TGM5: variants seen among roughly 807,000 people sequenced by gnomAD.
TGM5 encodes the protein transglutaminase 5.
Under a neutral mutation model 77.2 loss-of-function variants are expected in TGM5, and 69 were observed. The observed-to-expected ratio is 0.89, with a 90% confidence interval of 0.74 to 1.09. TGM5 has a LOEUF of 1.09. TGM5 is among the 50% of genes least tolerant of loss of function. The probability of loss-of-function intolerance (pLI) is 0.00; values close to 1 mark genes in which losing one functional copy is unlikely to be tolerated. For missense variants in TGM5, 842 were observed against 896.5 expected (o/e 0.94, Z 0.78); for synonymous variants, 346 against 351.8 (o/e 0.98, Z 0.18).
Position 43,260,399 on chromosome 15 carries a change from C to G in TGM5, c.190+1G>C, listed in dbSNP as rs774820119. On this transcript the variant is annotated splice_donor_variant, in intron 2 of 12. Coordinates refer to ENST00000220420, the MANE Select transcript of TGM5 (RefSeq NM_201631.4). LOFTEE classifies it high-confidence loss of function. ...CCCTGTGAGCCAGCTGGGGTTCTTACCAGTTTCAACCACGAAGATGATGTT... is the reference window on the plus strand; with the variant it reads ...CCCTGTGAGCCAGCTGGGGTTCTTAGCAGTTTCAACCACGAAGATGATGTT... 1.2e-6 allele frequency: 2 copies of G among 1,614,184 alleles called. No homozygotes were observed. Among genetic ancestry groups the G allele is most frequent in the East Asian group, 4.5e-5 (2 of 44,878 alleles).
intron 6 of TGM5, among the ~76,000 whole-genome samples, chr15:43,246,426 G>A (rs1368113291): frequency 3.9e-5 from 6 of 152,178 alleles, no homozygotes; most frequent in East Asian, 3.8e-4. Context: ...GTGATAAGTC[G>A]TATTGACAGC....
intron 6 of TGM5, among the ~76,000 whole-genome samples, chr15:43,252,002 T>C (rs2042706566): frequency 6.6e-6 from 1 of 152,260 alleles, no homozygotes; most frequent in Non-Finnish European, 1.5e-5. Flanking sequence ...GCCATCTTGC[T>C]CTGGCCCCAT....
At position 43,236,182 on chromosome 15, in the gene TGM5, C is replaced by T. The variant is rs149351467; in HGVS notation, c.1346-345G>A. On this transcript the variant is annotated intron_variant, in intron 9 of 12. Transcript: ENST00000220420. Reference sequence around the variant, plus strand: ...ATCCCAGGTGGGAAGCAAACCTGCCCAACTCTAAAACCCGTGCCTGTGACC... The same window carrying T: ...ATCCCAGGTGGGAAGCAAACCTGCCTAACTCTAAAACCCGTGCCTGTGACC... 2.8e-4 allele frequency among the ~76,000 whole-genome samples: 42 copies of T among 152,266 alleles called. No individual in the cohort carries two copies. The East Asian group carries it at 7.3e-3, about 27-fold the overall frequency.
Position 43,235,478 on chromosome 15 carries a change from G to A in TGM5, c.1705C>T (p.Pro569Ser), listed in dbSNP as rs775103678. The change falls in exon 10 of 13, where the codon CCT becomes TCT. Residue 569 changes from proline (P) to serine (S), a missense_variant. Physicochemically the swap from Pro to Ser is moderately conservative, Grantham distance 74 (BLOSUM62 -1). Transcript: ENST00000220420. Reference protein sequence around the residue: ...WQDTAFITLSPKEAKTYPCKI... With the variant: ...WQDTAFITLSSKEAKTYPCKI... The stretch of plus-strand genomic sequence containing the variant: ...CTGTGCACATGCGTACCTTCTTTAG[G>A]AGAGAGTGTGATGAACGCTGTGTCC... 1 of 1,614,034 alleles carries A rather than the reference G, an allele frequency of 6.2e-7. No individual in the cohort carries two copies. Among genetic ancestry groups the A allele is most frequent in the East Asian group, 2.2e-5 (1 of 44,886 alleles).
intron 1 of TGM5, among the ~76,000 whole-genome samples, chr15:43,265,424 G>C (rs764321837): frequency 3.9e-4 from 60 of 152,214 alleles, no homozygotes; most frequent in Non-Finnish European, 1.5e-4. Flanking sequence ...TTCAGGTTGG[G>C]CACATGACGC....
chr15:43,246,236 A>T (rs2042669404), intron 6 of TGM5, among the ~76,000 whole-genome samples: 1 of 152,154 alleles, frequency 6.6e-6, no homozygotes, highest in Non-Finnish European at 1.5e-5. Context: ...GAATTAAAGG[A>T]TCTCTTTGAT....
intron 3 of TGM5, among the ~76,000 whole-genome samples, chr15:43,258,854 T>TGAGA (rs145440957): frequency 4.7e-5 from 7 of 149,606 alleles, no homozygotes; most frequent in Admixed American, 2.7e-4. Flanking sequence ...CAGAAGGCCC[T>TGAGA]GAGAGAGAGA....
At chr15:43,249,795 A>G (rs978232486) in intron 6 of TGM5, among the ~76,000 whole-genome samples, 3 of 152,208 alleles carry the variant, frequency 2.0e-5, no homozygotes, top group Non-Finnish European at 4.4e-5. Flanking sequence ...ATGTGCAAAA[A>G]CTATAACCTC....
intron 9 of TGM5, among the ~76,000 whole-genome samples, chr15:43,238,584 C>T (rs920567745): frequency 1.3e-5 from 2 of 152,352 alleles, no homozygotes; most frequent in Admixed American, 1.3e-4. Flanking sequence ...TCTGTTTGGG[C>T]TCCACGGTCC....
At chr15:43,245,499 G>A (rs986444766) in intron 6 of TGM5, among the ~76,000 whole-genome samples, 1 of 152,096 alleles carries the variant, frequency 6.6e-6, no homozygotes, top group Non-Finnish European at 1.5e-5. Flanking sequence ...TAATGGCAAG[G>A]AAATGAAATC....
At chr15:43,252,982 C>A in intron 5 of TGM5, 46 bp from the exon 6 acceptor site, 1 of 1,600,412 alleles carries the variant, frequency 6.2e-7, no homozygotes, top group South Asian at 1.1e-5. Context: ...TCCATTTCCT[C>A]AACATGCCAT....
intron 9 of TGM5, among the ~76,000 whole-genome samples, chr15:43,236,097 GA>G (rs1440662544): frequency 6.6e-6 from 1 of 152,100 alleles, no homozygotes; most frequent in African/African-American, 2.4e-5. Flanking sequence ...CACAGATAAA[GA>G]AAAGGAGGCT....
chr15:43,245,343 C>T (rs1021693354), intron 6 of TGM5, among the ~76,000 whole-genome samples: 7 of 152,100 alleles, frequency 4.6e-5, no homozygotes, highest in Admixed American at 1.3e-4. Context: ...TCTCCCTGAA[C>T]GCATTAAGCT....
rs1022045332 is a variant in TGM5 at position 43,233,215 on chromosome 15, A to T, written c.2139T>A (p.Asn713Lys). 2 of 1,614,054 alleles carry T rather than the reference A, an allele frequency of 1.2e-6. No homozygotes were observed. The highest frequency in any genetic ancestry group is 1.7e-5 in the Admixed American group (1 of 60,000). ...TTTATAATGCAAAGTCTACATAAAC[A>T]TTCCTGTAACCCTTAATGTCCTTAA... ...NKFKDIKGYRNVYVDFAL is the reference protein window; with the variant it reads ...NKFKDIKGYRKVYVDFAL Residue 713 changes from asparagine (N) to lysine (K), a missense_variant, in exon 13 of 13, where the codon AAT (asparagine) becomes AAA (lysine). Asn to Lys is a moderately conservative substitution (Grantham distance 94). This residue lies in a region of TGM5 where 27 missense variants were observed against 51.8 expected (regional missense o/e 0.52). Transcript: ENST00000220420.
At chr15:43,254,799 C>CTCTCCCAGGAAGCTTCTATGAT (rs1295905862) in intron 4 of TGM5, among the ~76,000 whole-genome samples, 7 of 152,234 alleles carry the variant, frequency 4.6e-5, no homozygotes, top group African/African-American at 1.7e-4. Flanking sequence ...CAAACATCTC[C>CTCTCCCAGGAAGCTTCTATGAT]TCTCCCAGGA....
chr15:43,262,716 G>T (rs1368156364), intron 1 of TGM5, among the ~76,000 whole-genome samples: 1 of 152,158 alleles, frequency 6.6e-6, no homozygotes, highest in Non-Finnish European at 1.5e-5. Context: ...CCTGGGAGGT[G>T]GAGGTTGCAG....
In TGM5 at chr15:43,235,795, T is replaced by A. The variant is rs1229335997; in HGVS notation, c.1388A>T (p.Lys463Met). 6.2e-7 allele frequency: 1 copy of A among 1,614,072 alleles called. No individual in the cohort carries two copies. Among genetic ancestry groups the A allele is most frequent in the African/African-American group, 1.3e-5 (1 of 74,936 alleles). The part of the protein sequence containing the change: ...ERQVFLKALQ[K>M]LKARSFHGSQ... ...GCCATGGAAGCTTCTAGCCTTCAGC[T>A]TCTGCAGAGCCTTCAGAAACACCTG... Residue 463 changes from lysine to methionine, a missense_variant, in exon 10 of 13, where the codon AAG (lysine) becomes ATG (methionine). Coordinates refer to ENST00000220420, the MANE Select transcript of TGM5 (RefSeq NM_201631.4).
chr15:43,262,427 G>A (rs571115262), intron 1 of TGM5, among the ~76,000 whole-genome samples: 1 of 152,176 alleles, frequency 6.6e-6, no homozygotes, highest in African/African-American at 2.4e-5. Flanking sequence ...TTTTCAAAGT[G>A]AATCAGCGAA....
intron 1 of TGM5, among the ~76,000 whole-genome samples, chr15:43,265,693 G>T (rs768650802): frequency 3.3e-5 from 5 of 152,226 alleles, no homozygotes; most frequent in Non-Finnish European, 5.9e-5. Flanking sequence ...AGTGATCTTA[G>T]TAGTTATCCT....
Sources: allele counts gnomAD v4.1 joint callset (sites outside exome capture counted in the v4.1 genomes callset), GRCh38; gene constraint gnomAD v4.1.1; regional missense constraint gnomAD v4.1.1; transcripts MANE v1.5; gene names NCBI Gene and HGNC (gene_info 2026-07-23, HGNC 2026-07-21).